Variants in FMN2 observed in about 807,000 individuals in gnomAD.
FMN2 encodes formin-2.
In FMN2, 51 loss-of-function variants were observed where a neutral mutation model predicts 142.3. The ratio of observed to expected loss-of-function variants is 0.36; its 90% confidence interval spans 0.29 to 0.45. The LOEUF (loss-of-function observed/expected upper bound fraction) is 0.45, where lower values mean the gene tolerates loss of function less well. Among genes scored for constraint, FMN2 ranks in the 20% least tolerant of loss-of-function variants. The pLI, the probability that FMN2 is intolerant of heterozygous loss-of-function variation, is 1.00. For synonymous variants in FMN2, 882 were observed against 869.8 expected (o/e 1.01, Z -0.25); for missense variants, 1,936 against 2,122.8 (o/e 0.91, Z 1.73).
intron 4 of FMN2, 92 bp from the exon 5 acceptor site, chr1:240,206,707 G>A: frequency 1.4e-6 from 2 of 1,404,546 alleles, no homozygotes; most frequent in South Asian, 1.5e-5. Context: ...CTGGAAGTAT[G>A]ACAACAAACA....
At chr1:240,464,474 A>G (rs1676549006) in intron 16 of FMN2, among the ~76,000 whole-genome samples, 1 of 152,218 alleles carries the variant, frequency 6.6e-6, no homozygotes, top group African/African-American at 2.4e-5. Context: ...AAACACAGAT[A>G]CACAGAATAT....
intron 7 of FMN2, among the ~76,000 whole-genome samples, chr1:240,293,651 A>C (rs1358317117): frequency 6.6e-6 from 1 of 152,102 alleles, no homozygotes; most frequent in Non-Finnish European, 1.5e-5. Context: ...CTAATGAATA[A>C]GATTTGTCTG....
intron 2 of FMN2, among the ~76,000 whole-genome samples, chr1:240,126,368 C>A (rs892675952): frequency 2.0e-5 from 3 of 151,120 alleles, no homozygotes; most frequent in Admixed American, 1.3e-4. Context: ...CTACCTACCC[C>A]CCCCCACTTT....
chr1:240,226,817 CA>C (rs1172858572), intron 6 of FMN2, among the ~76,000 whole-genome samples: 1 of 151,754 alleles, frequency 6.6e-6, no homozygotes, highest in Non-Finnish European at 1.5e-5. Flanking sequence ...GTGACACACA[CA>C]CACACACACA....
At chr1:240,229,452 G>A (rs1667461888) in intron 6 of FMN2, among the ~76,000 whole-genome samples, 1 of 152,030 alleles carries the variant, frequency 6.6e-6, no homozygotes, top group Admixed American at 6.6e-5. Context: ...ACAGAGTGAA[G>A]ATCAAAAAGT....
chr1:240,468,873 C>T (rs1044855763), intron 16 of FMN2, among the ~76,000 whole-genome samples: 2 of 152,174 alleles, frequency 1.3e-5, no homozygotes, highest in African/African-American at 4.8e-5. Flanking sequence ...GTACCGACTT[C>T]TCCCTCATTA....
chr1:240,199,774 ATTAAT>A (rs577293676), intron 4 of FMN2, among the ~76,000 whole-genome samples: 2 of 152,338 alleles, frequency 1.3e-5, no homozygotes, highest in East Asian at 3.9e-4. Context: ...TATAAAGCAT[ATTAAT>A]TATTGTATTG....
At chr1:240,273,638 G>A (rs917321557) in intron 7 of FMN2, among the ~76,000 whole-genome samples, 14 of 152,106 alleles carry the variant, frequency 9.2e-5, no homozygotes, top group Admixed American at 3.3e-4. Flanking sequence ...TCTGTGTATG[G>A]GAGTGGCATG....
intron 6 of FMN2, among the ~76,000 whole-genome samples, chr1:240,243,579 A>T (rs983629515): frequency 2.6e-5 from 4 of 152,238 alleles, no homozygotes; most frequent in African/African-American, 9.6e-5. Context: ...TTATTGGATT[A>T]CAAAATAAAA....
In FMN2 at chr1:240,178,095, T is replaced by G. The variant is rs779167537; in HGVS notation, c.1930+27T>G. ...TAACCCTTTCCTTTGTCTTCAGAGA[T>G]AACTGGAAGAGGCAAGATAGAGAGA... is the stretch of plus-strand genomic sequence containing the variant. On this transcript the variant is annotated intron_variant, in intron 3 of 17. Transcript: ENST00000319653. The G allele has an allele frequency of 2.6e-6, 4 of 1,546,470 alleles. No homozygotes were observed. The African/African-American group carries it at 5.6e-5, about 21-fold the overall frequency.
chr1:240,139,947 A>C (rs527359682), intron 2 of FMN2, among the ~76,000 whole-genome samples: 32 of 152,316 alleles, frequency 2.1e-4, no homozygotes, highest in Non-Finnish European at 4.6e-4. Context: ...AGGGGAGCCA[A>C]GATTCTCAAG....
chr1:240,268,769 T>G (rs1049682820), intron 7 of FMN2, among the ~76,000 whole-genome samples: 2 of 151,964 alleles, frequency 1.3e-5, no homozygotes, highest in Non-Finnish European at 2.9e-5. Context: ...GTATCTCATT[T>G]TGGTTTTAAT....
At chr1:240,346,627 G>C (rs568502073) in intron 13 of FMN2, among the ~76,000 whole-genome samples, 3 of 152,228 alleles carry the variant, frequency 2.0e-5, no homozygotes, top group African/African-American at 7.2e-5. Context: ...AATGTAGTAG[G>C]TGAATATTCA....
In FMN2 at chr1:240,418,604, A is replaced by G. The variant is rs148265740; in HGVS notation, c.4911-19457A>G. ...TTTCTTTCTTAATTACATAAAGGTT[A>G]CATAAAAGAAGACTGTCTGCATAAG... On this transcript the variant is annotated intron_variant, in intron 15 of 17. Coordinates refer to ENST00000319653, the MANE Select transcript of FMN2 (RefSeq NM_020066.5). 5.3e-3 allele frequency among the ~76,000 whole-genome samples: 800 copies of G among 152,334 alleles called. 7 individuals are homozygous for G. Among genetic ancestry groups the G allele is most frequent in the African/African-American group, 0.018 (759 of 41,568 alleles).
At chr1:240,161,242 G>A (rs1664264359) in intron 2 of FMN2, among the ~76,000 whole-genome samples, 1 of 152,120 alleles carries the variant, frequency 6.6e-6, no homozygotes, top group Non-Finnish European at 1.5e-5. Context: ...TAAACTTTAT[G>A]TTGGAAGGGC....
intron 2 of FMN2, chr1:240,144,251 A>G (rs1663335062): frequency 1.9e-6 from 3 of 1,594,552 alleles, no homozygotes; most frequent in Non-Finnish European, 2.6e-6. Context: ...GCCACTCACA[A>G]AAGAGGAGGC....
In FMN2 at chr1:240,207,413, C is replaced by T. The variant is rs1216125193; in HGVS notation, c.2601C>T (p.Ser867=). ...CACCTCTGCCTTGCACAGAGTCCTCCAGCTCCATGCCTGGCCTGGGCATGG... is the reference window on the plus strand; with the variant it reads ...CACCTCTGCCTTGCACAGAGTCCTCTAGCTCCATGCCTGGCCTGGGCATGG... ...SPPPLPCTES[S]SSMPGLGMVP... is the part of the protein sequence containing the mutation. The change falls in exon 5 of 18, where the codon TCC becomes TCT. Residue 867 remains serine, a synonymous_variant. Transcript: ENST00000319653. 1 of 1,613,842 alleles carries T rather than the reference C, an allele frequency of 6.2e-7. No homozygotes were observed. Among genetic ancestry groups the T allele is most frequent in the Non-Finnish European group, 8.5e-7 (1 of 1,179,878 alleles).
At chr1:240,427,759 T>G (rs953721282) in intron 15 of FMN2, among the ~76,000 whole-genome samples, 1 of 152,204 alleles carries the variant, frequency 6.6e-6, no homozygotes, top group Non-Finnish European at 1.5e-5. Context: ...AGATAGGTAG[T>G]TAGCTCTAGA....
At chr1:240,166,787 C>T (rs530996375) in intron 2 of FMN2, among the ~76,000 whole-genome samples, 22 of 152,184 alleles carry the variant, frequency 1.4e-4, no homozygotes, top group Middle Eastern at 3.4e-3. Context: ...GATATATTCT[C>T]CCCTTAGAGA....
Sources: allele counts gnomAD v4.1 joint callset (sites outside exome capture counted in the v4.1 genomes callset), GRCh38; gene constraint gnomAD v4.1.1; transcripts MANE v1.5; gene names NCBI Gene and HGNC (gene_info 2026-07-23, HGNC 2026-07-21).